The following CLYBL variants were observed in gnomAD, a reference collection of about 807,000 sequenced individuals.
CLYBL encodes the protein citramalyl-CoA lyase, mitochondrial.
Under a neutral mutation model 38.9 loss-of-function variants are expected in CLYBL, and 31 were observed. That is an observed-to-expected ratio of 0.80 (90% confidence interval 0.60 to 1.08). The LOEUF is 1.08. Among genes scored for constraint, CLYBL ranks in the 50% least tolerant of loss-of-function variants. CLYBL has a pLI of 0.00. For synonymous variants in CLYBL, 171 were observed against 158.6 expected, an observed-to-expected ratio of 1.08 and a Z score of -0.59; for missense variants, 434 against 411.6, an observed-to-expected ratio of 1.05 and a Z score of -0.47.
chr13:99,754,965 T>G (rs2139650695), intron 1 of CLYBL, among the ~76,000 whole-genome samples: 1 of 151,524 alleles, frequency 6.6e-6, no homozygotes, highest in East Asian at 2.0e-4. Flanking sequence ...TGGCGCAATC[T>G]CGCCTCACTG....
At chr13:99,877,551 A>C (rs896422591) in intron 7 of CLYBL, 1 of 348,432 alleles carries the variant, frequency 2.9e-6, no homozygotes, top group Non-Finnish European at 5.5e-6. Flanking sequence ...TGGTTGTATT[A>C]ATTAAAGAAT....
At chr13:99,900,207 ATG>A (rs1180505648), downstream of CLYBL, among the ~76,000 whole-genome samples, 4 of 37,702 alleles carry the variant, frequency 1.1e-4, no homozygotes, top group Admixed American at 1.3e-3. Context: ...GATTACACAC[ATG>A]AGCCACCTGG....
intron 1 of CLYBL, among the ~76,000 whole-genome samples, chr13:99,676,476 T>C (rs2047653415): frequency 6.6e-6 from 1 of 151,692 alleles, no homozygotes; most frequent in Non-Finnish European, 1.5e-5. Context: ...AATTGTTTTT[T>C]TAGTAGAGAC....
At chr13:99,649,157 C>T (rs985481047) in intron 1 of CLYBL, among the ~76,000 whole-genome samples, 1 of 152,008 alleles carries the variant, frequency 6.6e-6, no homozygotes, top group African/African-American at 2.4e-5. Flanking sequence ...GTTCCATCTC[C>T]CCCCAGCACA....
At chr13:99,633,210 CAAAAAAAAAAAA>C (rs59801603) in intron 1 of CLYBL, among the ~76,000 whole-genome samples, 27 of 62,716 alleles carry the variant, frequency 4.3e-4, no homozygotes, top group Non-Finnish European at 5.8e-4. Context: ...GATCCTGTCT[CAAAAAAAAAAAA>C]AAAAAAAAAA....
At chr13:99,816,589 A>G (rs538718911) in intron 2 of CLYBL, among the ~76,000 whole-genome samples, 1 of 152,352 alleles carries the variant, frequency 6.6e-6, no homozygotes, top group African/African-American at 2.4e-5. Flanking sequence ...TGATTAGGTC[A>G]TGAGATGGAG....
At chr13:99,685,241 A>G (rs978769389) in intron 1 of CLYBL, among the ~76,000 whole-genome samples, 11 of 152,214 alleles carry the variant, frequency 7.2e-5, no homozygotes, top group Non-Finnish European at 1.0e-4. Flanking sequence ...ACTTGTTTCA[A>G]ACTTTATACC....
chr13:99,675,154 T>G (rs1373921323), intron 1 of CLYBL, among the ~76,000 whole-genome samples: 2 of 152,182 alleles, frequency 1.3e-5, no homozygotes, highest in East Asian at 3.9e-4. Context: ...TTTCCTAATA[T>G]TCCTCCTCTT....
chr13:99,808,061 G>GGTTTTT (rs994662569), intron 2 of CLYBL, among the ~76,000 whole-genome samples: 1 of 151,926 alleles, frequency 6.6e-6, no homozygotes. Context: ...GGATCCTCTT[G>GGTTTTT]GTTTTTGTTT....
chr13:99,749,799 C>T (rs568892550), intron 1 of CLYBL, among the ~76,000 whole-genome samples: 6 of 152,264 alleles, frequency 3.9e-5, no homozygotes, highest in Admixed American at 1.3e-4. Context: ...CTTTTGCTCC[C>T]GTGTCCATGG....
rs140596421 is a variant in CLYBL, at chr13:99,887,203, G to A, written c.928-4115G>A. 2.4e-3 allele frequency among the ~76,000 whole-genome samples: 365 copies of A among 151,842 alleles called. 2 individuals are homozygous for A. The highest frequency in any genetic ancestry group is 8.3e-3 in the African/African-American group (342 of 41,346). On this transcript the variant is annotated intron_variant, in intron 7 of 8. Transcript: ENST00000339105. Reference sequence around the variant, plus strand: ...CCTCTAGGTTTTCTGCACAAACCACGTGGCACTGGGCCCAGGAATCTGCAT... The same window carrying A: ...CCTCTAGGTTTTCTGCACAAACCACATGGCACTGGGCCCAGGAATCTGCAT...
intron 7 of CLYBL, among the ~76,000 whole-genome samples, chr13:99,880,068 A>ATTTTTTT (rs1555324345): frequency 2.8e-4 from 28 of 101,186 alleles, no homozygotes; most frequent in African/African-American, 1.1e-3. Context: ...ATATATATAT[A>ATTTTTTT]TTTTTTTTTT....
intron 1 of CLYBL, among the ~76,000 whole-genome samples, chr13:99,735,904 C>T (rs1594148776): frequency 6.6e-6 from 1 of 152,176 alleles, no homozygotes; most frequent in East Asian, 1.9e-4. Context: ...TCATGCTTCT[C>T]ATCGATTTCA....
intron 1 of CLYBL, among the ~76,000 whole-genome samples, chr13:99,677,178 T>A (rs928695079): frequency 2.0e-5 from 3 of 152,172 alleles, no homozygotes; most frequent in Non-Finnish European, 4.4e-5. Context: ...AGGGAGAGAA[T>A]CTACCTGCAT....
chr13:99,650,075 A>G (rs561609765), intron 1 of CLYBL, among the ~76,000 whole-genome samples: 2 of 152,178 alleles, frequency 1.3e-5, no homozygotes, highest in East Asian at 3.9e-4. Context: ...CATCATGGCT[A>G]ACACGGTGAA....
chr13:99,675,839 A>G (rs2047636006), intron 1 of CLYBL, among the ~76,000 whole-genome samples: 1 of 152,178 alleles, frequency 6.6e-6, no homozygotes, highest in Non-Finnish European at 1.5e-5. Context: ...GCTGCTATGA[A>G]CATTTCTGTA....
intron 1 of CLYBL, among the ~76,000 whole-genome samples, chr13:99,762,247 A>T (rs1256255987): frequency 6.6e-6 from 1 of 152,128 alleles, no homozygotes; most frequent in African/African-American, 2.4e-5. Context: ...GGCCAGACCA[A>T]TGTCCTGGAG....
chr13:99,766,786 G>C (rs112555079), intron 1 of CLYBL, among the ~76,000 whole-genome samples: 7 of 152,270 alleles, frequency 4.6e-5, no homozygotes, highest in African/African-American at 1.7e-4. Flanking sequence ...CTTCCTGAAT[G>C]GGGGAGGTCC....
At chr13:99,745,806 T>C (rs1407171980) in intron 1 of CLYBL, among the ~76,000 whole-genome samples, 1 of 152,004 alleles carries the variant, frequency 6.6e-6, no homozygotes, top group Admixed American at 6.6e-5. Flanking sequence ...TTTCTAAAAA[T>C]TATTCAGTGC....
Sources: allele counts gnomAD v4.1 joint callset (sites outside exome capture counted in the v4.1 genomes callset), GRCh38; gene constraint gnomAD v4.1.1; transcripts MANE v1.5; gene names NCBI Gene and HGNC (gene_info 2026-07-23, HGNC 2026-07-21).